The following NEDD4 variants were observed in gnomAD, a reference collection of about 807,000 sequenced individuals.
NEDD4 encodes NEDD4 E3 ubiquitin protein ligase.
A neutral mutation model predicts 144.9 loss-of-function variants in NEDD4; 99 were observed. The ratio of observed to expected loss-of-function variants is 0.68; its 90% CI spans 0.58 to 0.81. NEDD4 has a LOEUF of 0.81. Among genes scored for constraint, NEDD4 ranks in the 30% least tolerant of loss-of-function variants. NEDD4 has a pLI of 0.00. For missense variants in NEDD4, 985 were observed against 1,065.9 expected, an observed-to-expected ratio of 0.92 and a Z score of 1.06; for synonymous variants, 318 against 350.6, an observed-to-expected ratio of 0.91 and a Z score of 1.04.
intron 5 of NEDD4, chr15:55,915,976 T>C (rs2036428214): frequency 6.2e-7 from 1 of 1,613,748 alleles, no homozygotes; most frequent in Non-Finnish European, 8.5e-7. Context: ...CTCAGAAGAG[T>C]ACACAGACTT....
intron 17 of NEDD4, 68 bp from the exon 18 acceptor site, chr15:55,847,102 G>T: frequency 9.1e-7 from 1 of 1,096,086 alleles, no homozygotes; most frequent in Non-Finnish European, 1.3e-6. Flanking sequence ...ATTTTTATTT[G>T]TTGTATTTTA....
At chr15:55,936,244 A>T (rs67777171) in intron 4 of NEDD4, among the ~76,000 whole-genome samples, 20,424 of 152,072 alleles carry the variant, frequency 0.13, 1,498 homozygotes, top group East Asian at 0.32. Context: ...GGTAATAATT[A>T]TGAGTTACCT....
chr15:55,951,442 A>C, intron 3 of NEDD4, 28 bp from the exon 4 acceptor site: 1 of 1,249,022 alleles, frequency 8.0e-7, no homozygotes, highest in Non-Finnish European at 1.1e-6. Context: ...TAGTATAACT[A>C]AATAAGGTTT....
At chr15:55,843,541 A>G (rs1260213626) in intron 18 of NEDD4, among the ~76,000 whole-genome samples, 3 of 152,186 alleles carry the variant, frequency 2.0e-5, no homozygotes, top group Non-Finnish European at 4.4e-5. Context: ...TCAGTACTTC[A>G]TGGGCAAATT....
intron 1 of NEDD4, among the ~76,000 whole-genome samples, chr15:55,992,806 T>C (rs1479551953): frequency 6.6e-6 from 1 of 152,214 alleles, no homozygotes; most frequent in Admixed American, 6.5e-5. Context: ...GAGCTTAATC[T>C]AGTTTTCAAA....
intron 5 of NEDD4, among the ~76,000 whole-genome samples, chr15:55,896,243 A>G (rs1321340298): frequency 1.3e-5 from 2 of 152,136 alleles, no homozygotes; most frequent in African/African-American, 4.8e-5. Flanking sequence ...GTGCAATGGC[A>G]CGATTTTGGC....
intron 2 of NEDD4, among the ~76,000 whole-genome samples, chr15:55,962,293 G>A (rs2037439800): frequency 6.6e-6 from 1 of 152,184 alleles, no homozygotes; most frequent in African/African-American, 2.4e-5. Flanking sequence ...ACGTAGGACA[G>A]TATATAGTTG....
At chr15:55,932,426 C>A (rs111538206) in intron 4 of NEDD4, among the ~76,000 whole-genome samples, 1 of 151,982 alleles carries the variant, frequency 6.6e-6, no homozygotes, top group African/African-American at 2.4e-5. Flanking sequence ...GGAAAGGATT[C>A]CCTATTTAAT....
chr15:55,843,972 A>G (rs1487858170), intron 18 of NEDD4, among the ~76,000 whole-genome samples: 1 of 152,160 alleles, frequency 6.6e-6, no homozygotes, highest in Admixed American at 6.5e-5. Flanking sequence ...AAATGATGCT[A>G]ATTCTGAGAC....
chr15:55,900,086 TA>T (rs1198294909), intron 5 of NEDD4, among the ~76,000 whole-genome samples: 1 of 151,526 alleles, frequency 6.6e-6, no homozygotes, highest in East Asian at 1.9e-4. Flanking sequence ...TTTTTTAAAC[TA>T]GTTTGGCTCA....
At chr15:55,980,499 C>T (rs757138920) in intron 1 of NEDD4, among the ~76,000 whole-genome samples, 5 of 152,170 alleles carry the variant, frequency 3.3e-5, no homozygotes, top group African/African-American at 7.2e-5. Flanking sequence ...GATCATTCTA[C>T]TGTGAGAGGC....
At chr15:55,964,692 GGTGTGTGTGTGTGT>G (rs58177503) in intron 2 of NEDD4, among the ~76,000 whole-genome samples, 4 of 137,118 alleles carry the variant, frequency 2.9e-5, no homozygotes, top group East Asian at 2.1e-4. Context: ...TTTTGCTGCT[GGTGTGTGTGTGTGT>G]GTGTGTGTGT....
intron 5 of NEDD4, among the ~76,000 whole-genome samples, chr15:55,888,077 T>A (rs983754864): frequency 6.6e-6 from 1 of 152,112 alleles, no homozygotes; most frequent in African/African-American, 2.4e-5. Flanking sequence ...ATCTGGAACA[T>A]GACAGGAATG....
At chr15:55,915,453 C>T in intron 5 of NEDD4, 1 of 1,613,770 alleles carries the variant, frequency 6.2e-7, no homozygotes. Flanking sequence ...ATAAGCTCCT[C>T]CCAATGAAAT....
intron 5 of NEDD4, chr15:55,915,948 G>T: frequency 1.2e-6 from 2 of 1,613,938 alleles, no homozygotes; most frequent in Non-Finnish European, 1.7e-6. Context: ...CTGGTGTGAA[G>T]TTTGATAGGA....
At chr15:55,837,377 C>T (rs1184364474) in intron 24 of NEDD4, among the ~76,000 whole-genome samples, 3 of 150,986 alleles carry the variant, frequency 2.0e-5, no homozygotes, top group Non-Finnish European at 4.4e-5. Context: ...TTGCAGTGAG[C>T]CGAGATCACG....
At chr15:55,975,130 C>T (rs151022159) in intron 1 of NEDD4, among the ~76,000 whole-genome samples, 2 of 151,976 alleles carry the variant, frequency 1.3e-5, no homozygotes, top group East Asian at 1.9e-4. Context: ...TGACCTCAGG[C>T]AATCCACCCA....
chr15:55,970,283 TC>T lies in NEDD4; in HGVS notation c.46-3738del, dbSNP rs750592843. Among the ~76,000 whole-genome samples the T allele has an allele frequency of 3.9e-5, 6 of 151,928 alleles. No homozygotes were observed. In the East Asian group the frequency reaches 9.7e-4, roughly 24 times the overall value. The stretch of plus-strand genomic sequence containing the variant: ...CCAAGCAGATTCCTAAAGTCCCTAA[TC>T]CCAGGCCCCAACTCCTGGACAGCAT... On this transcript the variant is annotated intron_variant, in intron 1 of 28. Coordinates refer to ENST00000435532, the MANE Select transcript of NEDD4 (RefSeq NM_006154.4).
At chr15:55,980,568 A>C (rs1258949744) in intron 1 of NEDD4, among the ~76,000 whole-genome samples, 2 of 152,226 alleles carry the variant, frequency 1.3e-5, no homozygotes, top group African/African-American at 4.8e-5. Context: ...CAAAGGAATA[A>C]ATTTGGAAAG....
Sources: allele counts gnomAD v4.1 joint callset (sites outside exome capture counted in the v4.1 genomes callset), GRCh38; gene constraint gnomAD v4.1.1; transcripts MANE v1.5; gene names NCBI Gene and HGNC (gene_info 2026-07-23, HGNC 2026-07-21).